The following KCNB2 variants were observed in gnomAD, a reference collection of about 807,000 sequenced individuals.
KCNB2 encodes the protein potassium voltage-gated channel subfamily B member 2.
A neutral mutation model predicts 61.5 loss-of-function variants in KCNB2; 15 were observed. The observed-to-expected ratio is 0.24, with a 90% CI of 0.16 to 0.38. The LOEUF (loss-of-function observed/expected upper bound fraction) is 0.38, where lower values mean the gene tolerates loss of function less well. Among genes scored for constraint, KCNB2 ranks in the 10% least tolerant of loss-of-function variants. KCNB2 has a pLI of 1.00. For synonymous variants in KCNB2, 457 were observed against 446.0 expected (o/e 1.02, Z -0.31); for missense variants, 828 against 1,125.2 (o/e 0.74, Z 3.78).
intron 2 of KCNB2, among the ~76,000 whole-genome samples, chr8:72,689,212 G>T (rs10504541): frequency 0.02 from 3,053 of 152,216 alleles, 45 homozygotes; most frequent in Middle Eastern, 0.041. Context: ...TAACTGTTAT[G>T]TGACAAGCAC....
Position 72,787,512 on chromosome 8 carries a change from A to G in KCNB2, c.580-148423A>G, listed in dbSNP as rs533315951. Among the ~76,000 whole-genome samples the G allele has an allele frequency of 1.6e-4, 25 of 151,974 alleles. No homozygotes were observed. In the South Asian group the frequency reaches 4.8e-3, roughly 29 times the overall value. On this transcript the variant is annotated intron_variant, in intron 2 of 2. Coordinates refer to ENST00000523207, the MANE Select transcript of KCNB2 (RefSeq NM_004770.3). ...AATTTTTTTTTTCTTTTTAATTAGTATAAGTATGGCAGTTTTAAAAGATTG... is the reference window on the plus strand; with the variant it reads ...AATTTTTTTTTTCTTTTTAATTAGTGTAAGTATGGCAGTTTTAAAAGATTG...
chr8:72,702,727 G>A (rs1051073794), intron 2 of KCNB2, among the ~76,000 whole-genome samples: 14 of 152,208 alleles, frequency 9.2e-5, no homozygotes, highest in East Asian at 3.9e-4. Context: ...GCTGTTAAAT[G>A]TTGTGGTTTG....
chr8:72,625,585 C>T (rs1805776761), intron 2 of KCNB2, among the ~76,000 whole-genome samples: 1 of 151,988 alleles, frequency 6.6e-6, no homozygotes, highest in Non-Finnish European at 1.5e-5. Flanking sequence ...CGTGTGTGAC[C>T]ATGCCCAGGT....
chr8:72,832,940 C>T (rs187762438), intron 2 of KCNB2, among the ~76,000 whole-genome samples: 1 of 152,304 alleles, frequency 6.6e-6, no homozygotes, highest in Admixed American at 6.5e-5. Context: ...CCTTAGGATA[C>T]TAGTCCAGAA....
At chr8:72,889,232 A>C (rs1805856534) in intron 2 of KCNB2, among the ~76,000 whole-genome samples, 1 of 152,142 alleles carries the variant, frequency 6.6e-6, no homozygotes, top group South Asian at 2.1e-4. Context: ...GGATGTAGAA[A>C]TCTTCATTTT....
chr8:72,610,364 T>C (rs1805518681), intron 2 of KCNB2, among the ~76,000 whole-genome samples: 1 of 152,316 alleles, frequency 6.6e-6, no homozygotes, highest in Admixed American at 6.5e-5. Context: ...AAACAGAATC[T>C]AGACTTTAAG....
At chr8:72,785,869 A>G (rs531148669) in intron 2 of KCNB2, among the ~76,000 whole-genome samples, 24 of 152,266 alleles carry the variant, frequency 1.6e-4, no homozygotes, top group South Asian at 6.2e-4. Flanking sequence ...AATGAGACAC[A>G]TCATGGGTTT....
chr8:72,589,361 GAAA>G lies in KCNB2; in HGVS notation c.579+21055_579+21057del, dbSNP rs773334055. Among the ~76,000 whole-genome samples the G allele has an allele frequency of 2.3e-4, 34 of 150,984 alleles. No individual in the cohort carries two copies. The South Asian group carries it at 3.8e-3, about 17-fold the overall frequency. ...AGAAAAGTCTAAAAAAAGAAAAAAAGAAAAAAAAAGAGAAAAGTGTATATTTAT... is the reference window on the plus strand; with the variant it reads ...AGAAAAGTCTAAAAAAAGAAAAAAAGAAAAAAGAGAAAAGTGTATATTTAT... On this transcript the variant is annotated intron_variant, in intron 2 of 2. Transcript: ENST00000523207.
At chr8:72,620,878 G>C (rs1281938256) in intron 2 of KCNB2, among the ~76,000 whole-genome samples, 1 of 152,150 alleles carries the variant, frequency 6.6e-6, no homozygotes, top group Non-Finnish European at 1.5e-5. Context: ...AAAGTGTGGG[G>C]ATTACAGGCA....
At chr8:72,753,569 T>G (rs1378862588) in intron 2 of KCNB2, among the ~76,000 whole-genome samples, 1 of 152,190 alleles carries the variant, frequency 6.6e-6, no homozygotes, top group Non-Finnish European at 1.5e-5. Flanking sequence ...GAGTAGCTTG[T>G]CAGTAGCGAA....
At chr8:72,753,565 C>G (rs1808238221) in intron 2 of KCNB2, among the ~76,000 whole-genome samples, 1 of 152,168 alleles carries the variant, frequency 6.6e-6, no homozygotes, top group Non-Finnish European at 1.5e-5. Context: ...AATTGAGTAG[C>G]TTGTCAGTAG....
chr8:72,615,181 T>C (rs1006432031), intron 2 of KCNB2, among the ~76,000 whole-genome samples: 6 of 152,220 alleles, frequency 3.9e-5, no homozygotes, highest in African/African-American at 7.2e-5. Context: ...TTACATATAG[T>C]GGATACATCA....
chr8:72,553,777 T>A (rs1453410076), intron 1 of KCNB2, among the ~76,000 whole-genome samples: 1 of 152,178 alleles, frequency 6.6e-6, no homozygotes. Flanking sequence ...GAAGCTAAAG[T>A]AGAATATTAT....
At chr8:72,647,216 A>G (rs1359988077) in intron 2 of KCNB2, among the ~76,000 whole-genome samples, 6 of 152,180 alleles carry the variant, frequency 3.9e-5, no homozygotes, top group African/African-American at 1.4e-4. Flanking sequence ...CTGACTCCTC[A>G]TCCCAGCTCT....
At chr8:72,603,352 T>C (rs1805389282) in intron 2 of KCNB2, among the ~76,000 whole-genome samples, 1 of 152,212 alleles carries the variant, frequency 6.6e-6, no homozygotes, top group Non-Finnish European at 1.5e-5. Context: ...ACTCTGGCTA[T>C]ACTGTTTCCC....
At position 72,868,471 on chromosome 8, in the gene KCNB2, G is replaced by A. The variant is rs181862125; in HGVS notation, c.580-67464G>A. On this transcript the variant is annotated intron_variant, in intron 2 of 2. Coordinates refer to ENST00000523207, the MANE Select transcript of KCNB2 (RefSeq NM_004770.3). The stretch of plus-strand genomic sequence containing the variant: ...CACACACCTGTAGTCCCAGCTACTC[G>A]GGAGGCTGAGACAGGAGAATCGCTT... Among the ~76,000 whole-genome samples, 947 of 151,740 alleles carry A rather than the reference G, an allele frequency of 6.2e-3. 10 individuals carry two copies. The highest frequency in any genetic ancestry group is 0.022 in the African/African-American group (915 of 41,388).
At chr8:72,921,587 A>G (rs572208823) in intron 2 of KCNB2, among the ~76,000 whole-genome samples, 131 of 152,356 alleles carry the variant, frequency 8.6e-4, no homozygotes, top group Non-Finnish European at 1.6e-3. Context: ...ATTGGTTTTT[A>G]AATTTCCTAA....
intron 1 of KCNB2, among the ~76,000 whole-genome samples, chr8:72,548,579 A>G (rs1337702941): frequency 6.6e-6 from 1 of 152,152 alleles, no homozygotes; most frequent in East Asian, 1.9e-4. Flanking sequence ...CCTTCCTGGA[A>G]CTTATAGGGC....
At chr8:72,915,720 C>T (rs1012157129) in intron 2 of KCNB2, among the ~76,000 whole-genome samples, 2 of 152,016 alleles carry the variant, frequency 1.3e-5, no homozygotes, top group African/African-American at 4.8e-5. Context: ...GAGATCAATA[C>T]CATCCTGGCT....
Sources: allele counts gnomAD v4.1 joint callset (sites outside exome capture counted in the v4.1 genomes callset), GRCh38; gene constraint gnomAD v4.1.1; transcripts MANE v1.5; gene names NCBI Gene and HGNC (gene_info 2026-07-23, HGNC 2026-07-21).